FGF12: variants seen among roughly 807,000 people sequenced by gnomAD.
FGF12 encodes fibroblast growth factor 12B.
FGF12 carries 14 observed loss-of-function variants against 23.6 expected under a neutral mutation model. That is an observed-to-expected ratio of 0.59 (90% confidence interval 0.39 to 0.93). The LOEUF (loss-of-function observed/expected upper bound fraction) is 0.93. FGF12 is among the 40% of genes least tolerant of loss of function. FGF12 has a pLI of 0.00. For missense variants in FGF12, 175 were observed against 217.8 expected, an observed-to-expected ratio of 0.80 and a Z score of 1.24; for synonymous variants, 62 against 77.3, an observed-to-expected ratio of 0.80 and a Z score of 1.04.
intron 2 of FGF12, among the ~76,000 whole-genome samples, chr3:192,698,120 A>T (rs1352672146): frequency 6.6e-6 from 1 of 152,164 alleles, no homozygotes; most frequent in Non-Finnish European, 1.5e-5. Flanking sequence ...TCACTGCTCT[A>T]TATAAAGCAG....
chr3:192,212,526 G>T (rs1414014187), intron 4 of FGF12, among the ~76,000 whole-genome samples: 2 of 152,098 alleles, frequency 1.3e-5, no homozygotes, highest in African/African-American at 4.8e-5. Flanking sequence ...CTGTCTGTCT[G>T]CCCCCTATAC....
At chr3:192,233,336 C>T (rs572281295) in intron 4 of FGF12, among the ~76,000 whole-genome samples, 3 of 152,022 alleles carry the variant, frequency 2.0e-5, no homozygotes, top group Non-Finnish European at 4.4e-5. Context: ...GCTTGTTGGC[C>T]ATGTGAATGT....
At chr3:192,339,717 C>T (rs571610693) in intron 3 of FGF12, among the ~76,000 whole-genome samples, 135 of 152,274 alleles carry the variant, frequency 8.9e-4, no homozygotes, top group African/African-American at 3.2e-3. Context: ...AGAAATAATA[C>T]TTCCCTTTTC....
chr3:192,259,372 G>A (rs1577291362), intron 4 of FGF12, among the ~76,000 whole-genome samples: 1 of 152,062 alleles, frequency 6.6e-6, no homozygotes, highest in Admixed American at 6.6e-5. Flanking sequence ...TGGTTCAATG[G>A]CTGTAAAACA....
intron 4 of FGF12, among the ~76,000 whole-genome samples, chr3:192,243,692 TA>T (rs980732500): frequency 5.3e-5 from 8 of 151,676 alleles, no homozygotes; most frequent in Admixed American, 2.0e-4. Flanking sequence ...TCAGAAACTA[TA>T]AAAAAAAGAT....
chr3:192,597,693 A>C (rs1278106193), intron 2 of FGF12, among the ~76,000 whole-genome samples: 1 of 152,262 alleles, frequency 6.6e-6, no homozygotes, highest in Non-Finnish European at 1.5e-5. Context: ...GCCACTCTGC[A>C]TTCCAGACAC....
Position 192,408,002 on chromosome 3 carries a change from C to G in FGF12, c.14-47464G>C. On this transcript the variant is annotated intron_variant, in intron 2 of 5. Coordinates refer to ENST00000445105, the MANE Select transcript of FGF12 (RefSeq NM_004113.6). The surrounding 1 kb of genome is among the most constrained non-coding windows in gnomAD (Gnocchi z 7.3). The stretch of plus-strand genomic sequence containing the variant: ...AAAGAGGGCGTCCCCTCTGGGGAGC[C>G]CACTCTCCGGGCTTCTACTGACCTG... 1 of 1,587,560 alleles carries G rather than the reference C, an allele frequency of 6.3e-7. No individual in the cohort carries two copies. Among genetic ancestry groups the G allele is most frequent in the Non-Finnish European group, 8.6e-7 (1 of 1,167,754 alleles).
intron 4 of FGF12, among the ~76,000 whole-genome samples, chr3:192,250,587 C>A (rs1711941792): frequency 6.6e-6 from 1 of 152,060 alleles, no homozygotes; most frequent in Non-Finnish European, 1.5e-5. Context: ...CCCTATCTAC[C>A]TAATTGCTGC....
chr3:192,348,737 C>T (rs1463911252), intron 3 of FGF12, among the ~76,000 whole-genome samples: 1 of 152,102 alleles, frequency 6.6e-6, no homozygotes, highest in East Asian at 1.9e-4. Flanking sequence ...TGGAACTAAA[C>T]TTGCTGAATT....
chr3:192,219,524 T>A (rs1302207178), intron 4 of FGF12, among the ~76,000 whole-genome samples: 1 of 152,230 alleles, frequency 6.6e-6, no homozygotes, highest in Non-Finnish European at 1.5e-5. Flanking sequence ...CAGGTATTGG[T>A]ATGCTTCCTT....
At chr3:192,541,719 TA>T (rs1231285996) in intron 2 of FGF12, among the ~76,000 whole-genome samples, 3 of 152,258 alleles carry the variant, frequency 2.0e-5, no homozygotes, top group Non-Finnish European at 2.9e-5. Context: ...CTGATGTTAA[TA>T]AAACCCCTTA....
intron 2 of FGF12, among the ~76,000 whole-genome samples, chr3:192,592,262 T>C (rs528366773): frequency 1.3e-5 from 2 of 152,044 alleles, no homozygotes; most frequent in South Asian, 4.2e-4. Context: ...ACCCTCCTTT[T>C]TGGGAGAAGA....
intron 2 of FGF12, among the ~76,000 whole-genome samples, chr3:192,392,414 AAAATAAATAAAT>A (rs60248403): frequency 0.029 from 4,121 of 143,688 alleles, 171 homozygotes; most frequent in African/African-American, 0.1. Context: ...CTAAAAATAA[AAAATAAATAAAT>A]AAATAAATAA....
At chr3:192,722,373 T>C (rs1283796913) in intron 2 of FGF12, among the ~76,000 whole-genome samples, 3 of 152,234 alleles carry the variant, frequency 2.0e-5, no homozygotes, top group East Asian at 1.9e-4. Flanking sequence ...TACTAATGAT[T>C]GCATAGACAT....
chr3:192,259,217 G>A (rs1282110496), intron 4 of FGF12, among the ~76,000 whole-genome samples: 1 of 152,086 alleles, frequency 6.6e-6, no homozygotes, highest in African/African-American at 2.4e-5. Flanking sequence ...TATCGGTCTG[G>A]TATCAGAAAA....
intron 2 of FGF12, among the ~76,000 whole-genome samples, chr3:192,709,303 A>T (rs1718589022): frequency 6.6e-6 from 1 of 152,194 alleles, no homozygotes; most frequent in Non-Finnish European, 1.5e-5. Flanking sequence ...ACTCCAAGCC[A>T]TTCTCTCTTT....
intron 2 of FGF12, among the ~76,000 whole-genome samples, chr3:192,544,840 C>T (rs1022133060): frequency 1.3e-5 from 2 of 152,144 alleles, no homozygotes; most frequent in Non-Finnish European, 2.9e-5. Context: ...AGGGTACAGT[C>T]GTGAGTATAG....
chr3:192,485,037 T>G (rs1224413141), intron 2 of FGF12, among the ~76,000 whole-genome samples: 1 of 148,764 alleles, frequency 6.7e-6, no homozygotes, highest in African/African-American at 2.6e-5. Context: ...TACACATAAA[T>G]TTTAAAATTT....
At chr3:192,433,856 T>C (rs888025567) in intron 2 of FGF12, among the ~76,000 whole-genome samples, 1 of 152,240 alleles carries the variant, frequency 6.6e-6, no homozygotes, top group African/African-American at 2.4e-5. Flanking sequence ...TCTCTTGCCA[T>C]GCACTTTTGT....
Sources: gnomAD v4.1 joint callset for allele counts (sites outside exome capture counted in the v4.1 genomes callset) on GRCh38, gnomAD v4.1.1 for gene constraint, Gnocchi (gnomAD v3.1) non-coding constraint, MANE v1.5 for transcripts, NCBI Gene and HGNC (gene_info 2026-07-23, HGNC 2026-07-21) for gene names.